The following TLR2 variants were observed in gnomAD, a reference collection of about 807,000 sequenced individuals.
The protein encoded by TLR2 is toll-like receptor 2.
A neutral mutation model predicts 9.1 loss-of-function variants in TLR2; 7 were observed. The observed-to-expected ratio is 0.77, with a 90% CI of 0.44 to 1.44. TLR2 has a LOEUF of 1.44. Ranked by LOEUF, TLR2 falls within the 40% of genes most tolerant of loss-of-function variation. TLR2 has a pLI of 0.01. For missense variants in TLR2, 812 were observed against 904.6 expected (o/e 0.90, Z 1.31); for synonymous variants, 317 against 344.6 (o/e 0.92, Z 0.89).
In TLR2 at chr4:153,705,271, A is replaced by T; in HGVS notation, c.*9A>T. 1 of 1,545,246 alleles carries T rather than the reference A, an allele frequency of 6.5e-7. No individual in the cohort carries two copies. The highest frequency in any genetic ancestry group is 8.7e-7 in the Non-Finnish European group (1 of 1,146,606). On this transcript the variant is annotated 3_prime_UTR_variant, in exon 3 of 3. Transcript: ENST00000642700. ...CTGCGATAAAGTCCTAGGTTCCCATATTTAAGACCAGTCTTTGTCTAGTTG... is the reference window on the plus strand; with the variant it reads ...CTGCGATAAAGTCCTAGGTTCCCATTTTTAAGACCAGTCTTTGTCTAGTTG...
chr4:153,694,392 C>G (rs1261935710), intron 2 of TLR2, among the ~76,000 whole-genome samples: 1 of 152,146 alleles, frequency 6.6e-6, no homozygotes, highest in East Asian at 1.9e-4. Flanking sequence ...GATCTGGGGC[C>G]AGTTTATGGC....
chr4:153,699,257 T>C, intron 2 of TLR2, among the ~76,000 whole-genome samples: 1 of 152,234 alleles, frequency 6.6e-6, no homozygotes, highest in Non-Finnish European at 1.5e-5. Context: ...GGCAACTCCA[T>C]GTCCCAGTCA....
intron 1 of TLR2, among the ~76,000 whole-genome samples, chr4:153,686,805 T>C (rs1306551961): frequency 1.3e-5 from 2 of 152,192 alleles, no homozygotes; most frequent in African/African-American, 2.4e-5. Flanking sequence ...CAGTAACTGA[T>C]AGAAAAACCA....
At chr4:153,702,540 G>A (rs921810825) in intron 2 of TLR2, 8 of 193,412 alleles carry the variant, frequency 4.1e-5, no homozygotes, top group African/African-American at 1.9e-4. Context: ...GTTAAGCTTA[G>A]CCCATTTCTT....
intron 2 of TLR2, among the ~76,000 whole-genome samples, chr4:153,689,477 T>G (rs1010013874): frequency 8.6e-5 from 13 of 151,996 alleles, no homozygotes; most frequent in Non-Finnish European, 1.6e-4. Context: ...AATGATTCCA[T>G]AGGAATCACT....
rs183687626 is a variant in TLR2 at position 153,694,977 on chromosome 4, C to T, written c.-17+6930C>T. Among the ~76,000 whole-genome samples the T allele has an allele frequency of 4.6e-5, 7 of 152,240 alleles. No homozygotes were observed. The East Asian group carries it at 1.3e-3, about 29-fold the overall frequency. On this transcript the variant is annotated intron_variant, in intron 2 of 2. Transcript: ENST00000642700. ...CACTTAACATAATATCCTCCAGTTC[C>T]ATCCATGTTGTTATATGACAGAATT... is the stretch of plus-strand genomic sequence containing the variant.
chr4:153,708,180 G>C (rs1408712429), downstream of TLR2, among the ~76,000 whole-genome samples: 1 of 152,132 alleles, frequency 6.6e-6, no homozygotes, highest in Non-Finnish European at 1.5e-5. Flanking sequence ...GAACTCTGAG[G>C]GTCATTGTGA....
chr4:153,692,130 AG>A (rs1435607518), intron 2 of TLR2, among the ~76,000 whole-genome samples: 2 of 152,196 alleles, frequency 1.3e-5, no homozygotes, highest in African/African-American at 4.8e-5. Context: ...TTTTTACTGC[AG>A]GAATTGTAAA....
At chr4:153,693,451 C>T (rs1443012508) in intron 2 of TLR2, among the ~76,000 whole-genome samples, 1 of 152,222 alleles carries the variant, frequency 6.6e-6, no homozygotes, top group Non-Finnish European at 1.5e-5. Flanking sequence ...ACCCTCTCTT[C>T]TAACTTGCTG....
chr4:153,703,725 T>A lies in TLR2; in HGVS notation c.818T>A (p.Leu273Ter). 1 of 1,613,940 alleles carries A rather than the reference T, an allele frequency of 6.2e-7. No individual in the cohort carries two copies. The change falls in exon 3 of 3, where the codon TTG becomes TAG. Residue 273 changes from leucine to a stop codon, truncating the protein, a stop_gained. Coordinates refer to ENST00000642700, the MANE Select transcript of TLR2 (RefSeq NM_001318789.2). LOFTEE classifies it low-confidence loss of function (END_TRUNC). ...AGTTTGTTTCAGGTTATGAAACTTTTGAATCAGATTTCTGGATTGTTAGAA... is the reference window on the plus strand; with the variant it reads ...AGTTTGTTTCAGGTTATGAAACTTTAGAATCAGATTTCTGGATTGTTAGAA... Reference protein sequence around the residue: ...DESLFQVMKLLNQISGLLELE... With the variant: ...DESLFQVMKL
intron 1 of TLR2, among the ~76,000 whole-genome samples, chr4:153,686,313 CA>C (rs1400902633): frequency 2.6e-5 from 4 of 152,160 alleles, no homozygotes; most frequent in African/African-American, 9.7e-5. Context: ...TTGGGGCACA[CA>C]TTCAAACCAT....
In TLR2 at chr4:153,704,128, G is replaced by A. The variant is rs759175315; in HGVS notation, c.1221G>A (p.Glu407=). The part of the protein sequence containing the change: ...NHLASLEKTG[E]TLLTLKNLTN... ...TGGCATCATTGGAAAAAACCGGAGA[G>A]ACTTTGCTCACTCTGAAAAACTTGA... Residue 407 remains glutamate (E), a synonymous_variant, in exon 3 of 3, where the codon GAG becomes GAA. Transcript: ENST00000642700. 6.2e-6 allele frequency: 10 copies of A among 1,613,746 alleles called. No individual in the cohort carries two copies. In the Admixed American group the frequency reaches 1.3e-4, roughly 22 times the overall value.
At chr4:153,686,563 A>G (rs1369241601) in intron 1 of TLR2, among the ~76,000 whole-genome samples, 4 of 152,210 alleles carry the variant, frequency 2.6e-5, no homozygotes, top group Non-Finnish European at 5.9e-5. Flanking sequence ...TTGTGGCAAT[A>G]TTACTATTAG....
downstream of TLR2, chr4:153,710,017 A>C (rs995714677): frequency 5.9e-6 from 1 of 170,058 alleles, no homozygotes; most frequent in Non-Finnish European, 1.3e-5. Context: ...AGAAAGTATT[A>C]GCTATGGCTA....
chr4:153,687,220 A>T (rs1165441808), intron 1 of TLR2, among the ~76,000 whole-genome samples: 3 of 152,212 alleles, frequency 2.0e-5, no homozygotes, highest in Admixed American at 1.3e-4. Context: ...TATATTAGAA[A>T]TGAAGAGTGA....
intron 2 of TLR2, among the ~76,000 whole-genome samples, chr4:153,698,841 A>G (rs1445160898): frequency 6.6e-6 from 1 of 152,168 alleles, no homozygotes; most frequent in Admixed American, 6.5e-5. Context: ...AATTCACCCT[A>G]TAGCAGATTT....
At chr4:153,708,335 C>A (rs1349470011), downstream of TLR2, among the ~76,000 whole-genome samples, 2 of 152,100 alleles carry the variant, frequency 1.3e-5, no homozygotes, top group Non-Finnish European at 2.9e-5. Flanking sequence ...AGGAGAAAAA[C>A]TAATTTTTTG....
intron 2 of TLR2, among the ~76,000 whole-genome samples, chr4:153,693,986 A>T (rs1736308302): frequency 6.6e-6 from 1 of 152,220 alleles, no homozygotes; most frequent in African/African-American, 2.4e-5. Flanking sequence ...ACACACACAC[A>T]GAAACATAGA....
At chr4:153,710,159 G>A (rs553698551), downstream of TLR2, 2 of 446,378 alleles carry the variant, frequency 4.5e-6, no homozygotes, top group Admixed American at 3.8e-5. Context: ...AGAAACAGCT[G>A]TAATGGGAAA....
Sources: gnomAD v4.1 joint callset for allele counts (sites outside exome capture counted in the v4.1 genomes callset) on GRCh38, gnomAD v4.1.1 for gene constraint, MANE v1.5 for transcripts, NCBI Gene and HGNC (gene_info 2026-07-23, HGNC 2026-07-21) for gene names.